Variants in CLK4 observed in about 807,000 individuals in gnomAD.
CLK4 encodes CDC like kinase 4.
A neutral mutation model predicts 64.4 loss-of-function variants in CLK4; 37 were observed. The ratio of observed to expected loss-of-function variants is 0.57; its 90% CI spans 0.44 to 0.76. CLK4 has a LOEUF of 0.76. CLK4 is among the 30% of genes least tolerant of loss of function. CLK4 has a pLI of 0.00. For synonymous variants in CLK4, 175 were observed against 191.6 expected (o/e 0.91, Z 0.72); for missense variants, 457 against 605.1 (o/e 0.76, Z 2.57).
chr5:178,614,860 A>G (rs1306489342), intron 5 of CLK4, among the ~76,000 whole-genome samples: 3 of 152,238 alleles, frequency 2.0e-5, no homozygotes, highest in African/African-American at 7.2e-5. Flanking sequence ...CTCTAATAAG[A>G]TTACTGTGAC....
intron 10 of CLK4, among the ~76,000 whole-genome samples, chr5:178,607,438 A>G (rs1764482756): frequency 7.1e-6 from 1 of 141,746 alleles, no homozygotes; most frequent in Admixed American, 7.1e-5. Context: ...TCCTCTTCCT[A>G]TGTTCTCAGT....
At position 178,623,348 on chromosome 5, in the gene CLK4, A is replaced by G. The variant is rs778727854; in HGVS notation, c.69T>C (p.Tyr23=). The change falls in exon 2 of 13, where the codon TAT becomes TAC. Residue 23 remains tyrosine, a synonymous_variant. Transcript: ENST00000316308. ...DSRESWGHES[Y]RGSHKRKRRS... Reference sequence around the variant, plus strand: ...TCCTCTTCCGCTTGTGACTTCCACGATAGCTTTCATGTCCCCAGCTTTCTC... The same window carrying G: ...TCCTCTTCCGCTTGTGACTTCCACGGTAGCTTTCATGTCCCCAGCTTTCTC... The G allele has an allele frequency of 3.1e-6, 5 of 1,613,934 alleles. No homozygotes were observed. Among genetic ancestry groups the G allele is most frequent in the Admixed American group, 1.7e-5 (1 of 59,992 alleles).
At chr5:178,607,465 T>C (rs1055669295) in intron 10 of CLK4, among the ~76,000 whole-genome samples, 1 of 150,940 alleles carries the variant, frequency 6.6e-6, no homozygotes, top group African/African-American at 2.4e-5. Context: ...TTCTCTAAAG[T>C]AATTATTAAC....
At chr5:178,620,422 G>A (rs909718332) in intron 2 of CLK4, 1 of 263,584 alleles carries the variant, frequency 3.8e-6, no homozygotes, top group African/African-American at 2.2e-5. Flanking sequence ...ACAAAACATG[G>A]AGTGAACACC....
intron 5 of CLK4, among the ~76,000 whole-genome samples, chr5:178,616,241 G>C (rs745976916): frequency 6.6e-6 from 1 of 152,124 alleles, no homozygotes; most frequent in Non-Finnish European, 1.5e-5. Context: ...TGGGATTACA[G>C]GCATGTGCCA....
intron 9 of CLK4, among the ~76,000 whole-genome samples, chr5:178,612,031 T>A (rs1229946507): frequency 6.6e-6 from 1 of 152,188 alleles, no homozygotes; most frequent in African/African-American, 2.4e-5. Flanking sequence ...CCTTTATCCA[T>A]CCTATATTCT....
At chr5:178,610,989 C>G (rs886273738) in intron 9 of CLK4, among the ~76,000 whole-genome samples, 16 of 151,254 alleles carry the variant, frequency 1.1e-4, no homozygotes, top group Non-Finnish European at 1.8e-4. Context: ...AGGAGAATCG[C>G]GCGAACCTGG....
In CLK4 at chr5:178,612,532, C is replaced by CGTTCATCACGTTTCTA. The variant is rs1441370831; in HGVS notation, c.922-3_934dup (p.Arg312LeufsTer4). ...TTTGATATCTGTGTTTTTCAGTGTG[C>CGTTCATCACGTTTCTA]GTTCATCACGTTTCTAGAGAGACAC... is the stretch of plus-strand genomic sequence containing the variant. On this transcript the variant is annotated stop_gained and frameshift_variant, in exon 9 of 13. Transcript: ENST00000316308. LOFTEE classifies it high-confidence loss of function. 6.2e-7 allele frequency: 1 copy of CGTTCATCACGTTTCTA among 1,613,570 alleles called. No individual in the cohort carries two copies. Among genetic ancestry groups the CGTTCATCACGTTTCTA allele is most frequent in the Non-Finnish European group, 8.5e-7 (1 of 1,179,816 alleles).
intron 2 of CLK4, 133 bp from the exon 3 acceptor site, chr5:178,618,911 TTTA>T: frequency 1.6e-6 from 1 of 639,396 alleles, no homozygotes; most frequent in Non-Finnish European, 2.7e-6. Flanking sequence ...TGAATTAGCA[TTTA>T]TATTTATCTC....
intron 2 of CLK4, chr5:178,622,571 T>C: frequency 4.7e-6 from 1 of 213,822 alleles, no homozygotes; most frequent in Non-Finnish European, 8.1e-6. Flanking sequence ...AAGATTCCTT[T>C]AATTCTATAT....
In CLK4 at chr5:178,627,005, C is replaced by G. The variant is rs1021039963; in HGVS notation, c.-60G>C. On this transcript the variant is annotated 5_prime_UTR_variant, in exon 1 of 13. Coordinates refer to ENST00000316308, the MANE Select transcript of CLK4 (RefSeq NM_020666.3). ...TGTCGCCAAACTGCCGTCTTCCCTC[C>G]TCGGCCGCTGCGACAAACACCCCAC... 4 of 153,072 alleles carry G rather than the reference C, an allele frequency of 2.6e-5. No homozygotes were observed. Among genetic ancestry groups the G allele is most frequent in the East Asian group, 1.9e-4 (1 of 5,176 alleles). The allele number at this position is 153,072 out of a possible 1,614,324, so 9.5% of individuals were successfully genotyped here. A position where few individuals can be genotyped will look rare whatever the true frequency, so the allele number is the denominator to read the frequency against.
chr5:178,603,834 T>C lies in CLK4; in HGVS notation c.1305+10A>G. On this transcript the variant is annotated intron_variant, in intron 12 of 12. Coordinates refer to ENST00000316308, the MANE Select transcript of CLK4 (RefSeq NM_020666.3). ...GTGGTTTATTTAACCTTTAATCTTT[T>C]TTCTTTTACCTTCAACGGTTTGCAG... is the stretch of plus-strand genomic sequence containing the variant. The C allele has an allele frequency of 1.3e-6, 2 of 1,598,412 alleles. No homozygotes were observed. The highest frequency in any genetic ancestry group is 1.7e-6 in the Non-Finnish European group (2 of 1,175,930).
intron 5 of CLK4, among the ~76,000 whole-genome samples, chr5:178,616,483 C>T (rs968206501): frequency 3.3e-5 from 5 of 152,132 alleles, no homozygotes; most frequent in African/African-American, 4.8e-5. Context: ...CCCCAAAACA[C>T]GTGGCTACCA....
intron 9 of CLK4, among the ~76,000 whole-genome samples, chr5:178,610,437 C>T (rs1051351893): frequency 3.3e-5 from 5 of 152,144 alleles, no homozygotes; most frequent in Non-Finnish European, 2.9e-5. Context: ...GGCCAACTGC[C>T]TACTTCAACT....
rs550714862 is a variant in CLK4 at position 178,623,420 on chromosome 5, T to G, written c.1-4A>C. On this transcript the variant is annotated splice_region_variant and splice_polypyrimidine_tract_variant and intron_variant, in intron 1 of 12. Coordinates refer to ENST00000316308, the MANE Select transcript of CLK4 (RefSeq NM_020666.3). Reference sequence around the variant, plus strand: ...GAGTTCTTTTGGAATGCCGCATCTGTTGATAGAAATGAAAAGGGAATTGTG... The same window carrying G: ...GAGTTCTTTTGGAATGCCGCATCTGGTGATAGAAATGAAAAGGGAATTGTG... The G allele has an allele frequency of 6.2e-7, 1 of 1,604,174 alleles. No homozygotes were observed. The highest frequency in any genetic ancestry group is 1.7e-5 in the Admixed American group (1 of 57,542).
chr5:178,616,940 C>T lies in CLK4; in HGVS notation c.484G>A (p.Val162Met), dbSNP rs779323508. The T allele has an allele frequency of 5.0e-6, 8 of 1,612,524 alleles. No homozygotes were observed. The Admixed American group carries it at 1.0e-4, about 20-fold the overall frequency. The change falls in exon 5 of 13, where the codon GTG becomes ATG. Residue 162 changes from valine to methionine, a missense_variant. Val to Met is a conservative substitution (Grantham distance 21, BLOSUM62 1). Transcript: ENST00000316308. ...GDVLRARYEI[V>M]DTLGEGAFGK... is the part of the protein sequence containing the mutation. ...AAGGCTCCTTCACCCAAAGTGTCCA[C>T]GATTTCATCTAGAGTGAGGAGGGAA...
At chr5:178,610,017 A>G (rs1581705738) in intron 9 of CLK4, among the ~76,000 whole-genome samples, 1 of 151,860 alleles carries the variant, frequency 6.6e-6, no homozygotes, top group South Asian at 2.1e-4. Context: ...TCAACCAGGC[A>G]CGGTGGCTCA....
chr5:178,603,860 C>A lies in CLK4; in HGVS notation c.1289G>T (p.Arg430Leu). ...TTCTTTTACCTTCAACGGTTTGCAG[C>A]GTCTCCTAACATATCTACCAGCAGA... ...HSSAGRYVRR[R>L]CKPLKEFMLC... The change falls in exon 12 of 13, where the codon CGC becomes CTC. Residue 430 changes from arginine (R) to leucine (L), a missense_variant. Transcript: ENST00000316308. The A allele has an allele frequency of 6.2e-7, 1 of 1,609,302 alleles. No individual in the cohort carries two copies. The highest frequency in any genetic ancestry group is 8.5e-7 in the Non-Finnish European group (1 of 1,178,654).
intron 10 of CLK4, among the ~76,000 whole-genome samples, 195 bp from the exon 11 acceptor site, chr5:178,605,577 A>G (rs974644474): frequency 3.9e-5 from 6 of 152,230 alleles, no homozygotes; most frequent in African/African-American, 1.4e-4. Flanking sequence ...CCAGTACCCA[A>G]TGAATAGTTC....
Sources: allele counts gnomAD v4.1 joint callset (sites outside exome capture counted in the v4.1 genomes callset), GRCh38; gene constraint gnomAD v4.1.1; transcripts MANE v1.5; gene names NCBI Gene and HGNC (gene_info 2026-07-23, HGNC 2026-07-21).